GSTO2: variants seen among roughly 807,000 people sequenced by gnomAD.
GSTO2 encodes the protein glutathione S-transferase omega-2.
In GSTO2, 23 loss-of-function variants were observed where a neutral mutation model predicts 28.4. That is an observed-to-expected ratio of 0.81 (90% confidence interval 0.58 to 1.15). GSTO2 has a LOEUF of 1.15. Among genes scored for constraint, GSTO2 ranks in the 50% most tolerant of loss-of-function variants. The pLI is 0.00. For missense variants in GSTO2, 298 were observed against 297.8 expected, an observed-to-expected ratio of 1.00 and a Z score of 0.00; for synonymous variants, 109 against 111.0, an observed-to-expected ratio of 0.98 and a Z score of 0.11.
chr10:104,299,033 C>T, intron 6 of GSTO2, 95 bp from the exon 7 acceptor site: 2 of 1,143,684 alleles, frequency 1.7e-6, no homozygotes, highest in Non-Finnish European at 2.4e-6. Flanking sequence ...CAAATAAACT[C>T]ATTCTTCATA....
chr10:104,299,630 C>T lies in GSTO2; in HGVS notation c.*346C>T, dbSNP rs1357724349. ...AGCTAGGACTACAGGTATGTGTCACCACGCCCAGCTAATTTTTAAAAAAAT... is the reference window on the plus strand; with the variant it reads ...AGCTAGGACTACAGGTATGTGTCACTACGCCCAGCTAATTTTTAAAAAAAT... On this transcript the variant is annotated 3_prime_UTR_variant, in exon 7 of 7. Coordinates refer to ENST00000338595, the MANE Select transcript of GSTO2 (RefSeq NM_183239.2). The T allele has an allele frequency of 4.1e-6, 1 of 244,124 alleles. No individual in the cohort carries two copies. The highest frequency in any genetic ancestry group is 1.5e-4 in the East Asian group (1 of 6,560). The allele number at this position is 244,124 out of a possible 1,614,324, so 15.1% of individuals were successfully genotyped here.
chr10:104,299,365 C>T lies in GSTO2; in HGVS notation c.*81C>T. ...GTCACGGCTTGTCTTGGGAACCAAT[C>T]CGTCTCTCTTTCTTTTCTTTGAAGT... On this transcript the variant is annotated 3_prime_UTR_variant, in exon 7 of 7. Coordinates refer to ENST00000338595, the MANE Select transcript of GSTO2 (RefSeq NM_183239.2). 1 of 1,453,192 alleles carries T rather than the reference C, an allele frequency of 6.9e-7. No homozygotes were observed. The highest frequency in any genetic ancestry group is 9.5e-7 in the Non-Finnish European group (1 of 1,056,128). 90.0% of individuals were successfully genotyped at this position (1,453,192 alleles called of 1,614,324 possible). A position where few individuals can be genotyped will look rare whatever the true frequency, so the allele number is the denominator to read the frequency against.
At chr10:104,298,217 T>C (rs990395147) in intron 6 of GSTO2, among the ~76,000 whole-genome samples, 1 of 152,090 alleles carries the variant, frequency 6.6e-6, no homozygotes, top group Non-Finnish European at 1.5e-5. Context: ...GGAGAAGAAA[T>C]AGCTGTGTAG....
chr10:104,299,793 C>T lies in GSTO2; in HGVS notation c.*509C>T, dbSNP rs1042802000. The T allele has an allele frequency of 7.4e-5, 12 of 163,172 alleles. No individual in the cohort carries two copies. Among genetic ancestry groups the T allele is most frequent in the African/African-American group, 2.4e-4 (10 of 41,492 alleles). The allele number at this position is 163,172 out of a possible 1,614,324, so 10.1% of individuals were successfully genotyped here. Reference sequence around the variant, plus strand: ...GGCCTGCCTAGCCTGTAGCTTCTAACTATTTTCTAGAAAGTGCCTGGTGCT... The same window carrying T: ...GGCCTGCCTAGCCTGTAGCTTCTAATTATTTTCTAGAAAGTGCCTGGTGCT... On this transcript the variant is annotated 3_prime_UTR_variant, in exon 7 of 7. Coordinates refer to ENST00000338595, the MANE Select transcript of GSTO2 (RefSeq NM_183239.2).
intron 5 of GSTO2, 37 bp from the exon 6 acceptor site, chr10:104,297,541 A>G (rs1477682084): frequency 1.5e-6 from 2 of 1,335,252 alleles, no homozygotes; most frequent in Non-Finnish European, 2.2e-6. Flanking sequence ...CAGCAGATAT[A>G]TAAACTTATT....
At chr10:104,281,109 G>A (rs947969630) in intron 5 of GSTO2, among the ~76,000 whole-genome samples, 1 of 152,220 alleles carries the variant, frequency 6.6e-6, no homozygotes, top group East Asian at 1.9e-4. Flanking sequence ...ATTTTGAAAT[G>A]TGTGTTCCTC....
rs149063989 is a variant in GSTO2, at chr10:104,297,576, A to G, written c.469-2A>G. ...TTGCTTTTGCTTTGTTTCCATTTTT[A>G]GATTCTTGAGTATCAGAACACCACC... On this transcript the variant is annotated splice_acceptor_variant, in intron 5 of 6. Transcript: ENST00000338595. LOFTEE classifies it high-confidence loss of function. 5.0e-5 allele frequency: 79 copies of G among 1,594,340 alleles called. No homozygotes were observed. In the Middle Eastern group the frequency reaches 6.8e-4, roughly 14 times the overall value.
At chr10:104,273,640 T>C (rs1416698172) in intron 1 of GSTO2, among the ~76,000 whole-genome samples, 6 of 152,266 alleles carry the variant, frequency 3.9e-5, no homozygotes, top group Non-Finnish European at 4.4e-5. Context: ...GAGCAGCCAT[T>C]ACGTGCTATA....
chr10:104,272,654 C>T (rs2011472828), intron 1 of GSTO2, among the ~76,000 whole-genome samples: 1 of 121,326 alleles, frequency 8.2e-6, no homozygotes, highest in South Asian at 2.8e-4. Context: ...CGCTCTGTCG[C>T]CCAGGCTGGA....
At position 104,301,411 on chromosome 10, in the gene GSTO2, C is replaced by T. The variant is rs3740466; in HGVS notation, c.*2127C>T. The T allele has an allele frequency of 0.26, 39,551 of 152,054 alleles. 5,333 individuals carry two copies. Among genetic ancestry groups the T allele is most frequent in the Middle Eastern group, 0.35 (101 of 292 alleles). 9.4% of individuals were successfully genotyped at this position (152,054 alleles called of 1,614,324 possible). ...AGTTTGGGATTTGAGTGCCTCTTGG[C>T]CAGGCATGCTCCCTGCTGTTTACCA... On this transcript the variant is annotated 3_prime_UTR_variant, in exon 7 of 7. Coordinates refer to ENST00000338595, the MANE Select transcript of GSTO2 (RefSeq NM_183239.2).
At chr10:104,289,934 G>A (rs141956939) in intron 5 of GSTO2, among the ~76,000 whole-genome samples, 5,746 of 152,100 alleles carry the variant, frequency 0.038, 395 homozygotes, top group African/African-American at 0.13. Context: ...AGGCAATAAC[G>A]AATACTGGTG....
At chr10:104,296,613 TAA>T (rs11347549) in intron 5 of GSTO2, 780 of 66,526 alleles carry the variant, frequency 0.012, 6 homozygotes, top group African/African-American at 0.045. Flanking sequence ...AGACCCTATC[TAA>T]AAAAAAAAAA....
chr10:104,284,678 T>C (rs1244017214), intron 5 of GSTO2, among the ~76,000 whole-genome samples: 1 of 152,242 alleles, frequency 6.6e-6, no homozygotes. Context: ...GAATGGGACT[T>C]GAGCCAGGCT....
intron 5 of GSTO2, chr10:104,285,920 C>G (rs780464909): frequency 3.0e-6 from 1 of 338,024 alleles, no homozygotes; most frequent in African/African-American, 2.2e-5. Context: ...ATTGTTTCTC[C>G]TTTGATATCA....
chr10:104,293,998 A>G (rs185990733), intron 5 of GSTO2, among the ~76,000 whole-genome samples: 3 of 152,062 alleles, frequency 2.0e-5, no homozygotes, highest in Admixed American at 2.0e-4. Context: ...GTCCTTCCCC[A>G]TGGGAGACAA....
chr10:104,292,363 C>T (rs1181464343), intron 5 of GSTO2, among the ~76,000 whole-genome samples: 1 of 151,912 alleles, frequency 6.6e-6, no homozygotes, highest in Non-Finnish European at 1.5e-5. Context: ...TCACTATGTG[C>T]TCTAGGCTGG....
At position 104,298,371 on chromosome 10, in the gene GSTO2, G is replaced by C. The variant is rs145162771; in HGVS notation, c.575+687G>C. Among the ~76,000 whole-genome samples the C allele has an allele frequency of 2.6e-5, 4 of 152,320 alleles. No homozygotes were observed. In the East Asian group the frequency reaches 7.7e-4, roughly 29 times the overall value. On this transcript the variant is annotated intron_variant, in intron 6 of 6. Transcript: ENST00000338595. ...AATCCGGCCCTGCTGAAGCAGAACTGTGTCTGCACCTTCATAACCCGTGGG... is the reference window on the plus strand; with the variant it reads ...AATCCGGCCCTGCTGAAGCAGAACTCTGTCTGCACCTTCATAACCCGTGGG...
chr10:104,288,944 T>C (rs186803700), intron 5 of GSTO2, among the ~76,000 whole-genome samples: 22 of 152,360 alleles, frequency 1.4e-4, no homozygotes, highest in Admixed American at 1.0e-3. Context: ...CTGTTTTATG[T>C]GTAGGAAGTC....
chr10:104,271,461 T>A (rs1025208427), intron 1 of GSTO2, among the ~76,000 whole-genome samples: 3 of 152,236 alleles, frequency 2.0e-5, no homozygotes, highest in African/African-American at 7.2e-5. Context: ...TTTGATTCGA[T>A]ACTCACAATT....
Sources: allele counts gnomAD v4.1 joint callset (sites outside exome capture counted in the v4.1 genomes callset), GRCh38; gene constraint gnomAD v4.1.1; transcripts MANE v1.5; gene names NCBI Gene and HGNC (gene_info 2026-07-23, HGNC 2026-07-21).